SAXO1: variants seen among roughly 807,000 people sequenced by gnomAD.
SAXO1 encodes stabilizer of axonemal microtubules 1.
Under a neutral mutation model 17.5 loss-of-function variants are expected in SAXO1, and 21 were observed. That is an observed-to-expected ratio of 1.20 (90% CI 0.85 to 1.72). SAXO1 has a LOEUF of 1.72. Among genes scored for constraint, SAXO1 ranks in the 40% most tolerant of loss-of-function variants. SAXO1 has a pLI of 0.00. For synonymous variants in SAXO1, 274 were observed against 216.5 expected (o/e 1.27, Z -2.33); for missense variants, 843 against 596.0 (o/e 1.41, Z -4.32).
At chr9:19,042,730 T>TGG (rs1226490842) in intron 1 of SAXO1, among the ~76,000 whole-genome samples, 6 of 152,162 alleles carry the variant, frequency 3.9e-5, no homozygotes, top group African/African-American at 1.4e-4. Flanking sequence ...GGCATGGTGG[T>TGG]GCATGCCTGT....
At chr9:18,967,785 TG>T (rs1832783111) in intron 1 of SAXO1, among the ~76,000 whole-genome samples, 2 of 141,962 alleles carry the variant, frequency 1.4e-5, no homozygotes, top group Non-Finnish European at 3.0e-5. Flanking sequence ...CGGGCACCAT[TG>T]GGGTATGAAA....
intron 1 of SAXO1, among the ~76,000 whole-genome samples, chr9:19,044,230 T>C (rs1177914732): frequency 2.0e-5 from 3 of 152,212 alleles, no homozygotes; most frequent in Non-Finnish European, 2.9e-5. Context: ...TTATTATGCC[T>C]TGCATGCCTG....
intron 1 of SAXO1, among the ~76,000 whole-genome samples, chr9:19,018,853 T>C (rs1835107384): frequency 6.6e-6 from 1 of 152,218 alleles, no homozygotes; most frequent in South Asian, 2.1e-4. Flanking sequence ...CTTACACCTG[T>C]AATCCCAGCA....
At chr9:18,968,191 C>G (rs1251046776) in intron 1 of SAXO1, among the ~76,000 whole-genome samples, 1 of 152,174 alleles carries the variant, frequency 6.6e-6, no homozygotes, top group Non-Finnish European at 1.5e-5. Flanking sequence ...TGCTTTTATT[C>G]AGCCATCTTG....
chr9:19,024,044 C>G (rs66801939), intron 1 of SAXO1, among the ~76,000 whole-genome samples: 964 of 82,690 alleles, frequency 0.012, 29 homozygotes, highest in African/African-American at 0.05. Context: ...TTTTTTTTTG[C>G]GGGGGAAAAG....
intron 1 of SAXO1, among the ~76,000 whole-genome samples, chr9:19,042,672 G>A (rs758702692): frequency 1.1e-4 from 16 of 152,208 alleles, no homozygotes; most frequent in Non-Finnish European, 2.1e-4. Context: ...AAACCAGCCC[G>A]ACCAACATGG....
At chr9:18,953,816 C>T (rs2131736345) in intron 1 of SAXO1, among the ~76,000 whole-genome samples, 1 of 152,224 alleles carries the variant, frequency 6.6e-6, no homozygotes, top group Non-Finnish European at 1.5e-5. Context: ...GGATGATCTG[C>T]TAAAAGAAAG....
chr9:18,982,112 G>A (rs537331290), intron 1 of SAXO1, among the ~76,000 whole-genome samples: 1 of 152,200 alleles, frequency 6.6e-6, no homozygotes, highest in African/African-American at 2.4e-5. Flanking sequence ...ATTCACCAGG[G>A]TGACCTGCAG....
chr9:18,950,862 G>C lies in SAXO1; in HGVS notation c.114C>G (p.Thr38=), dbSNP rs777046523. 2 of 1,613,616 alleles carry C rather than the reference G, an allele frequency of 1.2e-6. No homozygotes were observed. The highest frequency in any genetic ancestry group is 1.7e-5 in the Admixed American group (1 of 59,992). The change falls in exon 2 of 4, where the codon ACC becomes ACG. Residue 38 remains threonine, a synonymous_variant. Coordinates refer to ENST00000380534, the MANE Select transcript of SAXO1 (RefSeq NM_153707.4). ...TEKPCLLSEY[T]ENYPFYHSYL... The stretch of plus-strand genomic sequence containing the variant: ...AGGAGTGATAGAAAGGGTAGTTCTC[G>C]GTATATTCGGAGAGAAGACATGGTT...
At chr9:18,994,315 G>A (rs1289706542) in intron 1 of SAXO1, among the ~76,000 whole-genome samples, 1 of 152,184 alleles carries the variant, frequency 6.6e-6, no homozygotes, top group African/African-American at 2.4e-5. Flanking sequence ...AATGTGCCAT[G>A]TACGTAAAAG....
chr9:18,932,382 G>A (rs555908718), intron 3 of SAXO1, among the ~76,000 whole-genome samples: 1 of 152,290 alleles, frequency 6.6e-6, no homozygotes, highest in African/African-American at 2.4e-5. Context: ...AGTTGCATTG[G>A]TCATTATACT....
rs1387585372 is a variant in SAXO1, at chr9:18,928,509, C to T, written c.968G>A (p.Arg323Gln). 25 of 1,613,592 alleles carry T rather than the reference C, an allele frequency of 1.5e-5. No individual in the cohort carries two copies. The highest frequency in any genetic ancestry group is 2.7e-5 in the African/African-American group (2 of 74,836). Reference sequence around the variant, plus strand: ...GCACTTCTTAATCTGAAGTGCAGGTCGGCAGGACTGAGCTGGGGCACCCTT... The same window carrying T: ...GCACTTCTTAATCTGAAGTGCAGGTTGGCAGGACTGAGCTGGGGCACCCTT... ...CPKGAPAQSC[R>Q]PALQIKKCGR... Residue 323 changes from arginine (R) to glutamine (Q), a missense_variant, in exon 4 of 4, where the codon CGA becomes CAA. Transcript: ENST00000380534.
At position 18,959,358 on chromosome 9, in the gene SAXO1, A is replaced by G. The variant is rs184317178; in HGVS notation, c.39-8421T>C. ...CCTGGACTGGCAAGAAGGCATGATTAAAGAGGGCAGATGGATGACATTAAA... is the reference window on the plus strand; with the variant it reads ...CCTGGACTGGCAAGAAGGCATGATTGAAGAGGGCAGATGGATGACATTAAA... On this transcript the variant is annotated intron_variant, in intron 1 of 3. Transcript: ENST00000380534. Among the ~76,000 whole-genome samples, 69 of 152,334 alleles carry G rather than the reference A, an allele frequency of 4.5e-4. 6 individuals are homozygous for G. The East Asian group carries it at 0.013, about 28-fold the overall frequency.
At chr9:19,024,401 A>G (rs945435379) in intron 1 of SAXO1, among the ~76,000 whole-genome samples, 16 of 149,056 alleles carry the variant, frequency 1.1e-4, no homozygotes, top group African/African-American at 3.7e-4. Flanking sequence ...ATGAGAACAC[A>G]TGGACACAGG....
intron 1 of SAXO1, among the ~76,000 whole-genome samples, chr9:19,016,658 C>A (rs906147497): frequency 2.6e-5 from 4 of 152,130 alleles, no homozygotes; most frequent in Admixed American, 1.3e-4. Context: ...ACAGGCCCCA[C>A]AACAAAAAAT....
chr9:18,953,184 C>G (rs1463903706), intron 1 of SAXO1, among the ~76,000 whole-genome samples: 1 of 152,186 alleles, frequency 6.6e-6, no homozygotes, highest in Non-Finnish European at 1.5e-5. Flanking sequence ...AAAGAAAAGT[C>G]AAGATTTTAT....
intron 1 of SAXO1, among the ~76,000 whole-genome samples, chr9:18,977,322 T>C (rs932270988): frequency 1.3e-5 from 2 of 152,228 alleles, no homozygotes; most frequent in Non-Finnish European, 2.9e-5. Context: ...TCACTAGTAA[T>C]AATTTTATTA....
At chr9:18,943,431 G>C (rs1412043462) in intron 2 of SAXO1, among the ~76,000 whole-genome samples, 1 of 152,196 alleles carries the variant, frequency 6.6e-6, no homozygotes, top group African/African-American at 2.4e-5. Flanking sequence ...TTCTCAGTGA[G>C]CAAGTACTAC....
chr9:19,028,128 C>T (rs1367788289), intron 1 of SAXO1: 16 of 1,600,592 alleles, frequency 1.0e-5, no homozygotes, highest in African/African-American at 9.4e-5. Context: ...TACAGTACTA[C>T]GCCTAGGGCA....
Sources: allele counts gnomAD v4.1 joint callset (sites outside exome capture counted in the v4.1 genomes callset), GRCh38; gene constraint gnomAD v4.1.1; transcripts MANE v1.5; gene names NCBI Gene and HGNC (gene_info 2026-07-23, HGNC 2026-07-21).